Variants in ATP6V0A2 observed in about 807,000 individuals in gnomAD.
ATP6V0A2 encodes the protein ATPase H+ transporting V0 subunit a2, also known as V-type proton ATPase 116 kDa subunit a 2.
Under a neutral mutation model 104.4 loss-of-function variants are expected in ATP6V0A2, and 58 were observed. The ratio of observed to expected loss-of-function variants is 0.56; its 90% CI spans 0.45 to 0.69. The LOEUF is 0.69. Among genes scored for constraint, ATP6V0A2 ranks in the 30% least tolerant of loss-of-function variants. The pLI is 0.00. For missense variants in ATP6V0A2, 938 were observed against 1,062.9 expected, an observed-to-expected ratio of 0.88 and a Z score of 1.63; for synonymous variants, 376 against 397.9, an observed-to-expected ratio of 0.95 and a Z score of 0.65.
chr12:123,742,103 G>A (rs888039358), intron 9 of ATP6V0A2, among the ~76,000 whole-genome samples: 2 of 152,202 alleles, frequency 1.3e-5, no homozygotes, highest in African/African-American at 2.4e-5. Flanking sequence ...GGTCAGTGCC[G>A]TGAGTTTAGG....
rs936558868 is a variant in ATP6V0A2, at chr12:123,712,376, G to C, written c.-190G>C. ...GCGGGACCTCGCGGACTGCTGTGGCGGCAGCTGGAGCGGCGGCCGCGGTGG... is the reference window on the plus strand; with the variant it reads ...GCGGGACCTCGCGGACTGCTGTGGCCGCAGCTGGAGCGGCGGCCGCGGTGG... On this transcript the variant is annotated 5_prime_UTR_variant, in exon 1 of 20. Coordinates refer to ENST00000330342, the MANE Select transcript of ATP6V0A2 (RefSeq NM_012463.4). 1 of 354,304 alleles carries C rather than the reference G, an allele frequency of 2.8e-6. No homozygotes were observed. The highest frequency in any genetic ancestry group is 5.0e-6 in the Non-Finnish European group (1 of 200,178). 21.9% of individuals were successfully genotyped at this position (354,304 alleles called of 1,614,324 possible).
chr12:123,716,507 G>T (rs898038634), intron 1 of ATP6V0A2, among the ~76,000 whole-genome samples: 2 of 152,094 alleles, frequency 1.3e-5, no homozygotes, highest in Non-Finnish European at 2.9e-5. Context: ...AAAGTTTATG[G>T]AGGCCGGGTG....
chr12:123,720,804 G>A (rs1032412053), intron 2 of ATP6V0A2, among the ~76,000 whole-genome samples: 1 of 152,142 alleles, frequency 6.6e-6, no homozygotes, highest in Non-Finnish European at 1.5e-5. Flanking sequence ...GTAGAGGCAG[G>A]AGGCTTTCTT....
chr12:123,727,773 T>C lies in ATP6V0A2; in HGVS notation c.522-10T>C, dbSNP rs1482012719. The C allele has an allele frequency of 1.1e-5, 17 of 1,614,102 alleles. No homozygotes were observed. Among genetic ancestry groups the C allele is most frequent in the Non-Finnish European group, 1.4e-5 (17 of 1,180,026 alleles). Reference sequence around the variant, plus strand: ...TCAGTTGACTACAGGTTGACTTTACTGTCTCACAGATTTGTGTCTGGCCTA... The same window carrying C: ...TCAGTTGACTACAGGTTGACTTTACCGTCTCACAGATTTGTGTCTGGCCTA... On this transcript the variant is annotated splice_polypyrimidine_tract_variant and intron_variant, in intron 5 of 19. Coordinates refer to ENST00000330342, the MANE Select transcript of ATP6V0A2 (RefSeq NM_012463.4).
rs987235400 is a variant in ATP6V0A2 at position 123,726,244 on chromosome 12, G to C, written c.480G>C (p.Leu160Phe). ...EEFPSLESDS[L>F]LDYSCMQRLG... ...TCCCTTCCTTAGAGAGTGATTCTTT[G>C]TTGGATTACAGCTGTATGCAGAGGC... is the stretch of plus-strand genomic sequence containing the variant. The change falls in exon 5 of 20, where the codon TTG becomes TTC. Residue 160 changes from leucine (L) to phenylalanine (F), a missense_variant. Coordinates refer to ENST00000330342, the MANE Select transcript of ATP6V0A2 (RefSeq NM_012463.4). 3.7e-6 allele frequency: 6 copies of C among 1,613,878 alleles called. No individual in the cohort carries two copies. The highest frequency in any genetic ancestry group is 4.2e-6 in the Non-Finnish European group (5 of 1,179,764).
chr12:123,725,503 C>T (rs1223230604), intron 4 of ATP6V0A2, among the ~76,000 whole-genome samples: 1 of 152,156 alleles, frequency 6.6e-6, no homozygotes, highest in Non-Finnish European at 1.5e-5. Flanking sequence ...CTAGGTCAGA[C>T]ACAGTGGCTT....
chr12:123,732,268 G>A (rs111444008), intron 6 of ATP6V0A2: 1,536 of 153,536 alleles, frequency 0.01, 19 homozygotes, highest in African/African-American at 0.034. Context: ...GCCTCTCCTC[G>A]CTCTTCCTCC....
intron 7 of ATP6V0A2, among the ~76,000 whole-genome samples, chr12:123,734,981 G>A (rs759538335): frequency 1.1e-4 from 17 of 152,170 alleles, no homozygotes; most frequent in Non-Finnish European, 2.5e-4. Context: ...AAAAATAAAG[G>A]TATGGTGTTA....
chr12:123,713,266 G>A (rs973742519), intron 1 of ATP6V0A2, among the ~76,000 whole-genome samples: 2 of 151,932 alleles, frequency 1.3e-5, no homozygotes, highest in Non-Finnish European at 2.9e-5. Context: ...GAAGGAGCTG[G>A]ATGTCATCTG....
chr12:123,747,700 G>A lies in ATP6V0A2; in HGVS notation c.1699G>A (p.Val567Ile). The A allele has an allele frequency of 6.2e-7, 1 of 1,604,946 alleles. No homozygotes were observed. Among genetic ancestry groups the A allele is most frequent in the Non-Finnish European group, 8.5e-7 (1 of 1,171,700 alleles). ...ILGIIHMTFGVILGIFNHLHF... is the reference protein window; with the variant it reads ...ILGIIHMTFGIILGIFNHLHF... ...AGGAATCATTCATATGACTTTTGGA[G>A]TCATTCTGGGAATATTTAACCACTT... Residue 567 changes from valine (V) to isoleucine (I), a missense_variant, in exon 14 of 20, where the codon GTC becomes ATC. Val to Ile is a conservative substitution (Grantham distance 29, BLOSUM62 3). Coordinates refer to ENST00000330342, the MANE Select transcript of ATP6V0A2 (RefSeq NM_012463.4).
chr12:123,735,431 C>A, intron 7 of ATP6V0A2, 100 bp from the exon 8 acceptor site: 1 of 1,123,908 alleles, frequency 8.9e-7, no homozygotes, highest in Non-Finnish European at 1.3e-6. Flanking sequence ...TCCCAAACGG[C>A]TGCTTTCATT....
At chr12:123,751,750 G>T (rs1956716497) in intron 16 of ATP6V0A2, among the ~76,000 whole-genome samples, 1 of 152,030 alleles carries the variant, frequency 6.6e-6, no homozygotes, top group Non-Finnish European at 1.5e-5. Flanking sequence ...GCTTATTAGG[G>T]GTTTAACTCA....
At chr12:123,718,838 A>C (rs1956369605) in intron 2 of ATP6V0A2, 137 bp downstream of exon 2, 1 of 619,466 alleles carries the variant, frequency 1.6e-6, no homozygotes, top group Non-Finnish European at 2.8e-6. Context: ...AAGTAATCAC[A>C]GTTATGTAGG....
intron 9 of ATP6V0A2, chr12:123,737,486 C>T (rs1020347391): frequency 3.9e-5 from 21 of 537,446 alleles, no homozygotes; most frequent in African/African-American, 9.5e-5. Flanking sequence ...TGGCCCCGAG[C>T]GATCCTCCTG....
rs1189004311 is a variant in ATP6V0A2, at chr12:123,722,387, C to G, written c.233C>G (p.Pro78Arg). ...CAGGAAATTAATAGAGCTGATATTC[C>G]CCTTCCTGAAGGAGAGGCCAGCCCT... The part of the protein sequence containing the change: ...LVQEINRADI[P>R]LPEGEASPPA... Residue 78 changes from proline to arginine, a missense_variant, in exon 3 of 20, where the codon CCC becomes CGC. Pro to Arg is a moderately radical substitution (Grantham distance 103). Coordinates refer to ENST00000330342, the MANE Select transcript of ATP6V0A2 (RefSeq NM_012463.4). The G allele has an allele frequency of 1.1e-5, 17 of 1,612,008 alleles. No homozygotes were observed. Among genetic ancestry groups the G allele is most frequent in the Non-Finnish European group, 1.4e-5 (16 of 1,178,124 alleles).
In ATP6V0A2 at chr12:123,726,027, A is replaced by G. The variant is rs76993617; in HGVS notation, c.433-170A>G. On this transcript the variant is annotated intron_variant, in intron 4 of 19. Coordinates refer to ENST00000330342, the MANE Select transcript of ATP6V0A2 (RefSeq NM_012463.4). The stretch of plus-strand genomic sequence containing the variant: ...CTTACAAATAAAGGATGGGGAAGTT[A>G]TCTTTTCATTTATGAGGATTGAGTT... 0.015 allele frequency among the ~76,000 whole-genome samples: 2,323 copies of G among 152,284 alleles called. 49 individuals are homozygous for G. The highest frequency in any genetic ancestry group is 0.054 in the African/African-American group (2,225 of 41,554).
chr12:123,752,306 A>C lies in ATP6V0A2; in HGVS notation c.2079A>C (p.Lys693Asn). 6.2e-7 allele frequency: 1 copy of C among 1,614,184 alleles called. No homozygotes were observed. Among genetic ancestry groups the C allele is most frequent in the Non-Finnish European group, 8.5e-7 (1 of 1,180,020 alleles). Residue 693 changes from lysine (K) to asparagine (N), a missense_variant, in exon 17 of 20, where the codon AAA (lysine) becomes AAC (asparagine). Transcript: ENST00000330342. ...VNRSGYTLIR[K>N]DSEEEVSLLG... ...AGAGTGGCTACACACTTATAAGGAAAGATAGTGAGGAAGAAGTTTCATTGC... is the reference window on the plus strand; with the variant it reads ...AGAGTGGCTACACACTTATAAGGAACGATAGTGAGGAAGAAGTTTCATTGC...
chr12:123,754,625 T>A, intron 18 of ATP6V0A2, 88 bp downstream of exon 18: 1 of 916,852 alleles, frequency 1.1e-6, no homozygotes, highest in Non-Finnish European at 1.8e-6. Flanking sequence ...ACTTTGTAAC[T>A]AATAGTCATA....
chr12:123,739,553 C>G (rs1354903133), intron 9 of ATP6V0A2, among the ~76,000 whole-genome samples: 4 of 152,152 alleles, frequency 2.6e-5, no homozygotes, highest in Admixed American at 2.6e-4. Context: ...CAGGCTGTGC[C>G]AGGCGGAAGC....
Sources: gnomAD v4.1 joint callset for allele counts (sites outside exome capture counted in the v4.1 genomes callset) on GRCh38, gnomAD v4.1.1 for gene constraint, MANE v1.5 for transcripts, NCBI Gene and HGNC (gene_info 2026-07-23, HGNC 2026-07-21) for gene names.